PHLPP2: variants seen among roughly 807,000 people sequenced by gnomAD.
PHLPP2 encodes PH domain and leucine rich repeat protein phosphatase 2.
Under a neutral mutation model 124.9 loss-of-function variants are expected in PHLPP2, and 66 were observed. The observed-to-expected ratio is 0.53, with a 90% CI of 0.43 to 0.65. The LOEUF (loss-of-function observed/expected upper bound fraction) is 0.65, where lower values mean the gene tolerates loss of function less well. Among genes scored for constraint, PHLPP2 ranks in the 30% least tolerant of loss-of-function variants. The pLI is 0.00. For missense variants in PHLPP2, 1,685 were observed against 1,600.4 expected (o/e 1.05, Z -0.90); for synonymous variants, 681 against 624.7 (o/e 1.09, Z -1.34).
chr16:71,666,696 C>G (rs1321851649), intron 12 of PHLPP2, among the ~76,000 whole-genome samples: 1 of 152,206 alleles, frequency 6.6e-6, no homozygotes, highest in African/African-American at 2.4e-5. Flanking sequence ...AGGACATTAT[C>G]TGTAAATACA....
Position 71,684,581 on chromosome 16 carries a change from C to T in PHLPP2, c.630G>A (p.Arg210=), listed in dbSNP as rs1412817049. 2 of 1,613,268 alleles carry T rather than the reference C, an allele frequency of 1.2e-6. No homozygotes were observed. Among genetic ancestry groups the T allele is most frequent in the Non-Finnish European group, 1.7e-6 (2 of 1,179,584 alleles). ...CTGAGCTGAAAGCAAGGGAGTATTGCCGTCGCTTCACTTCTTCTATCTGAA... is the reference window on the plus strand; with the variant it reads ...CTGAGCTGAAAGCAAGGGAGTATTGTCGTCGCTTCACTTCTTCTATCTGAA... ...VGGKIEEVKR[R]QYSLAFSSAG... Residue 210 remains arginine, a synonymous_variant, in exon 5 of 19, where the codon CGG becomes CGA. Coordinates refer to ENST00000568954, the MANE Select transcript of PHLPP2 (RefSeq NM_015020.3).
At chr16:71,708,397 G>C (rs112107237) in intron 2 of PHLPP2, among the ~76,000 whole-genome samples, 7 of 152,184 alleles carry the variant, frequency 4.6e-5, no homozygotes, top group African/African-American at 1.7e-4. Flanking sequence ...AACCCTGCCC[G>C]CAAGAGCAGG....
At chr16:71,656,888 T>G in intron 15 of PHLPP2, among the ~76,000 whole-genome samples, 1 of 152,070 alleles carries the variant, frequency 6.6e-6, no homozygotes, top group East Asian at 1.9e-4. Flanking sequence ...CAGCTGAGAT[T>G]ACAGGTGTAT....
At chr16:71,690,761 C>T (rs1385509375) in intron 3 of PHLPP2, 52 bp from the exon 4 acceptor site, 3 of 1,252,286 alleles carry the variant, frequency 2.4e-6, no homozygotes, top group African/African-American at 1.5e-5. Flanking sequence ...TGTAAGAATA[C>T]AGAAATGGAA....
intron 15 of PHLPP2, 26 bp downstream of exon 15, chr16:71,658,207 A>G: frequency 6.2e-7 from 1 of 1,607,136 alleles, no homozygotes; most frequent in South Asian, 1.1e-5. Context: ...GAGCACATAG[A>G]GATTCCATTT....
chr16:71,715,731 C>T (rs561602666), intron 1 of PHLPP2, among the ~76,000 whole-genome samples: 2 of 149,344 alleles, frequency 1.3e-5, no homozygotes, highest in Non-Finnish European at 3.0e-5. Flanking sequence ...GTAATCCCAA[C>T]ACTTTAGGAG....
At chr16:71,705,995 G>C (rs1045294559) in intron 2 of PHLPP2, among the ~76,000 whole-genome samples, 2 of 152,176 alleles carry the variant, frequency 1.3e-5, no homozygotes, top group Admixed American at 6.5e-5. Flanking sequence ...TCAATTTTGT[G>C]TTTCAAAGTT....
chr16:71,665,892 G>C (rs1019753645), intron 12 of PHLPP2, among the ~76,000 whole-genome samples: 2 of 152,112 alleles, frequency 1.3e-5, no homozygotes, highest in Non-Finnish European at 2.9e-5. Flanking sequence ...TTATTTTGAA[G>C]ACTATCCAAT....
intron 3 of PHLPP2, among the ~76,000 whole-genome samples, chr16:71,701,310 A>G (rs1368806114): frequency 4.1e-5 from 3 of 73,680 alleles, no homozygotes; most frequent in South Asian, 7.3e-4. Context: ...CTATCTATCT[A>G]TCTATATATC....
chr16:71,658,793 A>G lies in PHLPP2; in HGVS notation c.2008T>C (p.Leu670=), dbSNP rs770685275. 6 of 1,614,092 alleles carry G rather than the reference A, an allele frequency of 3.7e-6. No individual in the cohort carries two copies. The highest frequency in any genetic ancestry group is 4.2e-6 in the Non-Finnish European group (5 of 1,179,986). ...TTGCCACTTAGGTTCAGTTCCTCCA[A>G]TTGCTCCAATTTATTTAGTTTGCTG... ...PASKLNKLEQ[L]EELNLSGNKL... The change falls in exon 14 of 19, where the codon TTG becomes CTG. Residue 670 remains leucine, a synonymous_variant. Coordinates refer to ENST00000568954, the MANE Select transcript of PHLPP2 (RefSeq NM_015020.3).
chr16:71,707,182 C>G (rs188383410), intron 2 of PHLPP2, among the ~76,000 whole-genome samples: 2 of 151,918 alleles, frequency 1.3e-5, no homozygotes, highest in Non-Finnish European at 2.9e-5. Context: ...GTCTCGATCT[C>G]CTGACCTCGT....
chr16:71,698,433 G>A (rs900823615), intron 3 of PHLPP2: 2 of 725,610 alleles, frequency 2.8e-6, no homozygotes, highest in Non-Finnish European at 5.0e-6. Context: ...GCTTGGTGCA[G>A]ATGGACATGG....
intron 3 of PHLPP2, among the ~76,000 whole-genome samples, chr16:71,691,032 A>G (rs1416127949): frequency 6.6e-6 from 1 of 152,224 alleles, no homozygotes; most frequent in East Asian, 1.9e-4. Context: ...GAAGTCAGAG[A>G]TACTTGAATT....
chr16:71,692,499 GAT>G (rs2045124963), intron 3 of PHLPP2, among the ~76,000 whole-genome samples: 1 of 152,160 alleles, frequency 6.6e-6, no homozygotes, highest in African/African-American at 2.4e-5. Context: ...AAATGAGCTA[GAT>G]TACTTCAAAG....
intron 16 of PHLPP2, among the ~76,000 whole-genome samples, chr16:71,656,369 T>C (rs13331951): frequency 0.037 from 5,705 of 152,310 alleles, 357 homozygotes; most frequent in African/African-American, 0.13. Flanking sequence ...GGGTGTTTGG[T>C]ATTCTGTTGA....
chr16:71,662,225 T>A (rs1315699763), intron 13 of PHLPP2, among the ~76,000 whole-genome samples: 2 of 150,928 alleles, frequency 1.3e-5, no homozygotes, highest in South Asian at 2.1e-4. Context: ...AGGCCAGGAG[T>A]TCGAGACTAG....
intron 2 of PHLPP2, among the ~76,000 whole-genome samples, chr16:71,703,282 A>G (rs1217634080): frequency 6.6e-6 from 1 of 152,156 alleles, no homozygotes; most frequent in Non-Finnish European, 1.5e-5. Flanking sequence ...GATCACAAAG[A>G]GCTTTTGTTT....
At chr16:71,698,506 C>A in intron 3 of PHLPP2, 1 of 743,098 alleles carries the variant, frequency 1.3e-6, no homozygotes, top group African/African-American at 1.7e-5. Context: ...ACCTCGCATA[C>A]CTGTTTGGAG....
chr16:71,720,710 C>T (rs564799826), intron 1 of PHLPP2, among the ~76,000 whole-genome samples: 16 of 151,832 alleles, frequency 1.1e-4, no homozygotes, highest in African/African-American at 3.6e-4. Flanking sequence ...ACTAAAAATA[C>T]AAAATTAGCC....
Sources: allele counts gnomAD v4.1 joint callset (sites outside exome capture counted in the v4.1 genomes callset), GRCh38; gene constraint gnomAD v4.1.1; transcripts MANE v1.5; gene names NCBI Gene and HGNC (gene_info 2026-07-23, HGNC 2026-07-21).